The following STK11IP variants were observed in gnomAD, a reference collection of about 807,000 sequenced individuals.
STK11IP encodes serine/threonine kinase 11 interacting protein.
A neutral mutation model predicts 131.7 loss-of-function variants in STK11IP; 103 were observed. The ratio of observed to expected loss-of-function variants is 0.78; its 90% confidence interval spans 0.67 to 0.92. STK11IP has a LOEUF of 0.92. Ranked by LOEUF, STK11IP falls within the 40% of genes least tolerant of loss-of-function variation. The probability of loss-of-function intolerance (pLI) is 0.00; values close to 1 mark genes in which losing one functional copy is unlikely to be tolerated. For synonymous variants in STK11IP, 557 were observed against 575.6 expected, an observed-to-expected ratio of 0.97 and a Z score of 0.46; for missense variants, 1,315 against 1,385.7, an observed-to-expected ratio of 0.95 and a Z score of 0.81.
chr2:219,607,905 C>G, intron 13 of STK11IP, 142 bp from the exon 14 acceptor site: 1 of 1,099,732 alleles, frequency 9.1e-7, no homozygotes, highest in Non-Finnish European at 1.3e-6. Flanking sequence ...GTACATGCCG[C>G]GGAGGGGACG....
chr2:219,605,397 A>G, intron 7 of STK11IP: 3 of 500,364 alleles, frequency 6.0e-6, no homozygotes, highest in East Asian at 3.1e-5. Flanking sequence ...TGGAGTTGCC[A>G]TGCTCAGGGT....
At chr2:219,605,907 T>C in intron 8 of STK11IP, 49 bp from the exon 9 acceptor site, 1 of 1,521,354 alleles carries the variant, frequency 6.6e-7, no homozygotes, top group Non-Finnish European at 9.0e-7. Flanking sequence ...CACACTCACT[T>C]GCGTGTACTC....
chr2:219,609,063 C>T, intron 15 of STK11IP, 34 bp from the exon 16 acceptor site: 1 of 1,486,038 alleles, frequency 6.7e-7, no homozygotes, highest in Non-Finnish European at 9.2e-7. Context: ...ACCGCCCCTG[C>T]TGTTTTTCAC....
At chr2:219,599,809 C>T (rs556792617) in intron 2 of STK11IP, among the ~76,000 whole-genome samples, 1 of 151,060 alleles carries the variant, frequency 6.6e-6, no homozygotes, top group Non-Finnish European at 1.5e-5. Context: ...TCTCGGCTCA[C>T]TGCAACCCCT....
intron 24 of STK11IP, chr2:219,615,566 C>T (rs1698547454): frequency 3.0e-6 from 2 of 676,266 alleles, no homozygotes; most frequent in Non-Finnish European, 2.6e-6. Flanking sequence ...GGACTGGGAG[C>T]CCAGCCATTT....
In STK11IP at chr2:219,614,456, G is replaced by C. The variant is rs771388592; in HGVS notation, c.2799-20G>C. On this transcript the variant is annotated intron_variant, in intron 22 of 24. Coordinates refer to ENST00000456909, the MANE Select transcript of STK11IP (RefSeq NM_052902.4). ...CCCACCCGCTAGCTGATCTTCCTGT[G>C]CCTGCCATATTCCCTCTAGGCCATT... 56 of 1,612,636 alleles carry C rather than the reference G, an allele frequency of 3.5e-5. No individual in the cohort carries two copies. Among genetic ancestry groups the C allele is most frequent in the Non-Finnish European group, 4.2e-5 (49 of 1,179,348 alleles).
Position 219,606,504 on chromosome 2 carries a change from T to C in STK11IP, c.974T>C (p.Leu325Pro). 6.2e-7 allele frequency: 1 copy of C among 1,612,776 alleles called. No homozygotes were observed. Among genetic ancestry groups the C allele is most frequent in the East Asian group, 2.2e-5 (1 of 44,866 alleles). ...CTTCTCGATGGCAAGGTCTTGTCAC[T>C]GACAGATTTTCAGGTCGGTGTGGTT... ...GFLLDGKVLS[L>P]TDFQTHTSLG... is the part of the protein sequence containing the mutation. The change falls in exon 11 of 25, where the codon CTG becomes CCG. Residue 325 changes from leucine (L) to proline (P), a missense_variant. By Grantham distance (98) the Leu-to-Pro change is moderately conservative. Coordinates refer to ENST00000456909, the MANE Select transcript of STK11IP (RefSeq NM_052902.4).
intron 23 of STK11IP, chr2:219,614,854 G>A (rs372664290): frequency 3.2e-6 from 2 of 624,866 alleles, no homozygotes; most frequent in East Asian, 5.5e-5. Context: ...AGAGGGTGGA[G>A]CCTTGTTTCT....
rs1445975826 is a variant in STK11IP, at chr2:219,597,911, A to C, written c.-39A>C. The C allele has an allele frequency of 6.2e-7, 1 of 1,611,822 alleles. No homozygotes were observed. Among genetic ancestry groups the C allele is most frequent in the African/African-American group, 1.3e-5 (1 of 74,836 alleles). ...GCAGCTGAGCTGGTAGGAGGACCAG[A>C]CGGGGAGGTTCGGTATGTCTGACCA... On this transcript the variant is annotated 5_prime_UTR_variant, in exon 1 of 25. Transcript: ENST00000456909.
chr2:219,608,204 C>T lies in STK11IP; in HGVS notation c.1377C>T (p.Ser459=). The T allele has an allele frequency of 6.2e-7, 1 of 1,613,638 alleles. No homozygotes were observed. Among genetic ancestry groups the T allele is most frequent in the Non-Finnish European group, 8.5e-7 (1 of 1,179,890 alleles). ...CTGCACCCAGTGCACCTCCAGCCAG[C>T]TCCCAGGGCCCCGACACTGCACCCA... The part of the protein sequence containing the change: ...TTSAPSAPPA[S]SQGPDTAPRP... The change falls in exon 14 of 25, where the codon AGC becomes AGT. Residue 459 remains serine, a synonymous_variant. Transcript: ENST00000456909.
At position 219,600,059 on chromosome 2, in the gene STK11IP, G is replaced by GTTT. The variant is rs57060581; in HGVS notation, c.62-1157_62-1155dup. Among the ~76,000 whole-genome samples the GTTT allele has an allele frequency of 1.5e-3, 138 of 91,710 alleles. 1 individual carries two copies. Among genetic ancestry groups the GTTT allele is most frequent in the Non-Finnish European group, 2.0e-3 (97 of 47,926 alleles). 60.2% of individuals were successfully genotyped at this position (91,710 alleles called of 152,430 possible). Reference sequence around the variant, plus strand: ...CCTTTGTGTTTTTTTTTTTGTTTTTGTTTTTTTTTTTTTTTTTTTTTGAGA... The same window carrying GTTT: ...CCTTTGTGTTTTTTTTTTTGTTTTTGTTTTTTTTTTTTTTTTTTTTTTTTGAGA... On this transcript the variant is annotated intron_variant, in intron 2 of 24. Coordinates refer to ENST00000456909, the MANE Select transcript of STK11IP (RefSeq NM_052902.4).
intron 17 of STK11IP, among the ~76,000 whole-genome samples, chr2:219,610,538 G>A (rs672884): frequency 0.87 from 132,316 of 152,104 alleles, 60,471 homozygotes; most frequent in Non-Finnish European, 1. Context: ...AAGTAGCTGG[G>A]ACTACAGGCG....
Position 219,605,996 on chromosome 2 carries a change from A to AT in STK11IP, c.787dup (p.Tyr263LeufsTer18). On this transcript the variant is annotated frameshift_variant, in exon 9 of 25. Transcript: ENST00000456909. LOFTEE classifies it high-confidence loss of function. ...GGAATCTGCGGCACCTGGATTTGGC[A>AT]TACAACCTGCTGGAAGGACACCGGG... The AT allele has an allele frequency of 1.2e-6, 2 of 1,609,686 alleles. No homozygotes were observed. The highest frequency in any genetic ancestry group is 1.7e-6 in the Non-Finnish European group (2 of 1,178,140).
In STK11IP at chr2:219,602,524, G is replaced by A. The variant is rs1698021794; in HGVS notation, c.495G>A (p.Leu165=). 6.2e-7 allele frequency: 1 copy of A among 1,613,890 alleles called. No individual in the cohort carries two copies. Among genetic ancestry groups the A allele is most frequent in the African/African-American group, 1.3e-5 (1 of 74,924 alleles). ...GCTCTGCCCTCCCTTGGCTGGCTCT[G>A]CTTTCTGCCAACTTCAGCTACAATG... The part of the protein sequence containing the change: ...DFCSALPWLA[L]LSANFSYNAL... The change falls in exon 6 of 25, where the codon CTG becomes CTA. Residue 165 remains leucine, a synonymous_variant. Coordinates refer to ENST00000456909, the MANE Select transcript of STK11IP (RefSeq NM_052902.4).
Position 219,608,640 on chromosome 2 carries a change from G to T in STK11IP, c.1661G>T (p.Gly554Val), listed in dbSNP as rs1283808340. Reference sequence around the variant, plus strand: ...CTGGAGGGGCCTGAGGGCGTACGGGGCAGGGAATGCTTTCTCAGGGTCACT... The same window carrying T: ...CTGGAGGGGCCTGAGGGCGTACGGGTCAGGGAATGCTTTCTCAGGGTCACT... ...CPLEGPEGVR[G>V]RECFLRVTSA... Residue 554 changes from glycine to valine, a missense_variant, in exon 15 of 25, where the codon GGC (glycine) becomes GTC (valine). Coordinates refer to ENST00000456909, the MANE Select transcript of STK11IP (RefSeq NM_052902.4). 1 of 1,613,390 alleles carries T rather than the reference G, an allele frequency of 6.2e-7. No homozygotes were observed. The highest frequency in any genetic ancestry group is 2.2e-5 in the East Asian group (1 of 44,844).
intron 17 of STK11IP, among the ~76,000 whole-genome samples, chr2:219,610,509 T>C (rs1291830547): frequency 6.6e-6 from 1 of 152,116 alleles, no homozygotes; most frequent in Non-Finnish European, 1.5e-5. Context: ...TTCACGCCAT[T>C]CTCCTGCCTC....
chr2:219,614,380 C>T (rs1321113230), intron 22 of STK11IP, 96 bp from the exon 23 acceptor site: 7 of 1,526,718 alleles, frequency 4.6e-6, no homozygotes. Context: ...CTAGTGTCTC[C>T]TCCCAACCCC....
At chr2:219,615,948 A>G in intron 24 of STK11IP, 96 bp from the exon 25 acceptor site, 3 of 1,511,574 alleles carry the variant, frequency 2.0e-6, no homozygotes, top group South Asian at 2.5e-5. Flanking sequence ...GCACTGAGCC[A>G]AGGTGGAGAC....
Position 219,615,206 on chromosome 2 carries a change from A to G in STK11IP, c.2982A>G (p.Glu994=). Residue 994 remains glutamate (E), a synonymous_variant, in exon 24 of 25, where the codon GAA becomes GAG. Coordinates refer to ENST00000456909, the MANE Select transcript of STK11IP (RefSeq NM_052902.4). ...AEPSPPAASG[E]ASEKVPPSGP... Reference sequence around the variant, plus strand: ...CCTCTCCTCCAGCAGCATCTGGCGAAGCCTCTGAGAAGGTGCCTCCCTCGG... The same window carrying G: ...CCTCTCCTCCAGCAGCATCTGGCGAGGCCTCTGAGAAGGTGCCTCCCTCGG... 6.3e-7 allele frequency: 1 copy of G among 1,596,324 alleles called. No individual in the cohort carries two copies. Among genetic ancestry groups the G allele is most frequent in the Non-Finnish European group, 8.5e-7 (1 of 1,174,952 alleles).
Sources: gnomAD v4.1 joint callset for allele counts (sites outside exome capture counted in the v4.1 genomes callset) on GRCh38, gnomAD v4.1.1 for gene constraint, MANE v1.5 for transcripts, NCBI Gene and HGNC (gene_info 2026-07-23, HGNC 2026-07-21) for gene names.